The following HPRT1 variants were observed in gnomAD, a reference collection of about 807,000 sequenced individuals.
HPRT1 encodes the protein hypoxanthine phosphoribosyltransferase 1.
In HPRT1, 4 loss-of-function variants were observed where a neutral mutation model predicts 19.0. The ratio of observed to expected loss-of-function variants is 0.21; its 90% confidence interval spans 0.10 to 0.48. The LOEUF is 0.48. Ranked by LOEUF, HPRT1 falls within the 20% of genes least tolerant of loss-of-function variation. The probability of loss-of-function intolerance (pLI) is 0.98; values close to 1 mark genes in which losing one functional copy is unlikely to be tolerated. For synonymous variants in HPRT1, 53 were observed against 54.9 expected, an observed-to-expected ratio of 0.97 and a Z score of 0.15; for missense variants, 65 against 164.0, an observed-to-expected ratio of 0.40 and a Z score of 3.30.
At chrX:134,494,907 C>T in intron 6 of HPRT1, among the ~76,000 whole-genome samples, 1 of 111,682 alleles carries the variant, frequency 9.0e-6, no homozygotes, top group Non-Finnish European at 1.9e-5. Flanking sequence ...GTCATCTATT[C>T]ACCATAGTTT....
chrX:134,483,975 G>A (rs2124296798), intron 3 of HPRT1, among the ~76,000 whole-genome samples: 1 of 111,838 alleles, frequency 8.9e-6, no homozygotes, highest in South Asian at 3.7e-4. Context: ...TTCAAGACCA[G>A]CCTGAGCAAA....
At chrX:134,476,735 GTTTAAC>G (rs1010889761) in intron 3 of HPRT1, among the ~76,000 whole-genome samples, 50 of 111,810 alleles carry the variant, frequency 4.5e-4, no homozygotes, top group Non-Finnish European at 8.8e-4. Flanking sequence ...AAATAGGGGA[GTTTAAC>G]TTTAATATTT....
intron 4 of HPRT1, among the ~76,000 whole-genome samples, chrX:134,488,367 A>G (rs182018703): frequency 8.2e-4 from 91 of 110,615 alleles, no homozygotes; most frequent in African/African-American, 2.9e-3. Flanking sequence ...CCAACTCCTG[A>G]TCTCAGGTAT....
intron 3 of HPRT1, among the ~76,000 whole-genome samples, chrX:134,478,534 G>A (rs924394630): frequency 8.1e-5 from 9 of 111,232 alleles, no homozygotes; most frequent in African/African-American, 2.9e-4. Context: ...CATCCCTTGA[G>A]CCTAGGAGTT....
At position 134,486,474 on chromosome X, in the gene HPRT1, T is replaced by C; in HGVS notation, c.328T>C (p.Ser110Pro). The change falls in exon 4 of 9, where the codon TCA (serine) becomes CCA (proline). Residue 110 changes from serine (S) to proline (P), a missense_variant. By Grantham distance (74) the Ser-to-Pro change is moderately conservative (BLOSUM62 -1). Transcript: ENST00000298556. ...TTTTTTTTTTAACTAGAATGACCAG[T>C]CAACAGGGGACATAAAAGTAATTGG... ...IRLKSYCNDQ[S>P]TGDIKVIGGD... 1 of 1,121,174 alleles carries C rather than the reference T, an allele frequency of 8.9e-7. No homozygotes were observed. Among genetic ancestry groups the C allele is most frequent in the Non-Finnish European group, 1.2e-6 (1 of 822,864 alleles). The allele number at this position is 1,121,174 out of a possible 1,213,427, so 92.4% of individuals were successfully genotyped here. A position where few individuals can be genotyped will look rare whatever the true frequency, so the allele number is the denominator to read the frequency against.
chrX:134,467,041 C>CTTTTTTTTTTTTTT (rs779817345), intron 1 of HPRT1, among the ~76,000 whole-genome samples: 10 of 61,010 alleles, frequency 1.6e-4, no homozygotes, highest in African/African-American at 5.9e-4. Context: ...AGATTTTAAG[C>CTTTTTTTTTTTTTT]TTTTTTTTTT....
intron 3 of HPRT1, among the ~76,000 whole-genome samples, chrX:134,478,957 C>A (rs762331589): frequency 8.9e-6 from 1 of 112,117 alleles, no homozygotes; most frequent in East Asian, 2.8e-4. Flanking sequence ...AATTTTAGAG[C>A]TATTATTAAT....
At chrX:134,498,561 A>G in intron 7 of HPRT1, 47 bp from the exon 8 acceptor site, 1 of 1,030,078 alleles carries the variant, frequency 9.7e-7, no homozygotes, top group Non-Finnish European at 1.4e-6. Context: ...ATTAGATTTA[A>G]AAGTGATGTT....
In HPRT1 at chrX:134,460,211, C is replaced by T. The variant is rs1396470798; in HGVS notation, c.-101C>T. ...GCCCTCAGGCGAACCTCTCGGCTTT[C>T]CCGCGCGGCGCCGCCTCTTGCTGCG... is the stretch of plus-strand genomic sequence containing the variant. On this transcript the variant is annotated 5_prime_UTR_variant, in exon 1 of 9. Transcript: ENST00000298556. 5 of 939,120 alleles carry T rather than the reference C, an allele frequency of 5.3e-6. No homozygotes were observed. The highest frequency in any genetic ancestry group is 4.1e-5 in the African/African-American group (2 of 48,335). 77.4% of individuals were successfully genotyped at this position (939,120 alleles called of 1,213,427 possible). A position where few individuals can be genotyped will look rare whatever the true frequency, so the allele number is the denominator to read the frequency against.
At chrX:134,479,549 C>T (rs1421204977) in intron 3 of HPRT1, among the ~76,000 whole-genome samples, 3 of 111,774 alleles carry the variant, frequency 2.7e-5, no homozygotes, top group East Asian at 2.8e-4. Context: ...GGATTACAGG[C>T]GTGAGCCACC....
At chrX:134,489,864 GT>G (rs1377214990) in intron 4 of HPRT1, among the ~76,000 whole-genome samples, 87 of 111,882 alleles carry the variant, frequency 7.8e-4, no homozygotes, top group African/African-American at 2.6e-3. Context: ...ACTGCTTCAA[GT>G]TTCATTTAAC....
chrX:134,460,341 G>A lies in HPRT1; in HGVS notation c.27+3G>A, dbSNP rs1378342516. 2.7e-6 allele frequency: 3 copies of A among 1,119,121 alleles called. No homozygotes were observed. Among genetic ancestry groups the A allele is most frequent in the Non-Finnish European group, 3.5e-6 (3 of 853,493 alleles). The allele number at this position is 1,119,121 out of a possible 1,213,427, so 92.2% of individuals were successfully genotyped here. ...CGACCCGCAGCCCTGGCGTCGTGGT[G>A]AGCAGCTCGGCCTGCCGGCCCTGGC... On this transcript the variant is annotated splice_donor_region_variant and intron_variant, in intron 1 of 8. Coordinates refer to ENST00000298556, the MANE Select transcript of HPRT1 (RefSeq NM_000194.3).
At chrX:134,480,993 G>C (rs2077638033) in intron 3 of HPRT1, among the ~76,000 whole-genome samples, 1 of 109,180 alleles carries the variant, frequency 9.2e-6, no homozygotes, top group Non-Finnish European at 1.9e-5. Context: ...ATTGTATTCT[G>C]TATATTTAAG....
intron 3 of HPRT1, among the ~76,000 whole-genome samples, chrX:134,484,786 T>G (rs1024578026): frequency 8.1e-5 from 9 of 111,701 alleles, no homozygotes; most frequent in African/African-American, 2.9e-4. Flanking sequence ...TGGTTCCCTG[T>G]TAATGGACAT....
At chrX:134,461,595 A>T (rs1458052703) in intron 1 of HPRT1, among the ~76,000 whole-genome samples, 1 of 112,056 alleles carries the variant, frequency 8.9e-6, no homozygotes, top group Non-Finnish European at 1.9e-5. Flanking sequence ...TATTGAGAGG[A>T]TTATAAGACA....
At chrX:134,498,367 A>G (rs769520593) in intron 6 of HPRT1, 23 bp from the exon 7 acceptor site, 2 of 1,161,001 alleles carry the variant, frequency 1.7e-6, no homozygotes, top group East Asian at 5.9e-5. Flanking sequence ...TGTATGTTAT[A>G]TGTCACATTT....
chrX:134,495,806 T>C (rs2077678973), intron 6 of HPRT1, among the ~76,000 whole-genome samples: 1 of 112,192 alleles, frequency 8.9e-6, no homozygotes, highest in Non-Finnish European at 1.9e-5. Flanking sequence ...ACTAATCTAC[T>C]TTCTACAGAA....
intron 1 of HPRT1, among the ~76,000 whole-genome samples, chrX:134,465,203 A>C (rs1182998778): frequency 9.1e-6 from 1 of 110,151 alleles, no homozygotes; most frequent in Non-Finnish European, 1.9e-5. Flanking sequence ...GCATCTGGCC[A>C]ACATGTCTTT....
At chrX:134,467,720 C>T (rs1287107203) in intron 1 of HPRT1, among the ~76,000 whole-genome samples, 4 of 109,866 alleles carry the variant, frequency 3.6e-5, no homozygotes, top group Non-Finnish European at 7.6e-5. Flanking sequence ...TATATTATTT[C>T]ATATCAGTGG....
Sources: gnomAD v4.1 joint callset for allele counts (sites outside exome capture counted in the v4.1 genomes callset) on GRCh38, gnomAD v4.1.1 for gene constraint, MANE v1.5 for transcripts, NCBI Gene and HGNC (gene_info 2026-07-23, HGNC 2026-07-21) for gene names.